Variants in FANCM observed in about 807,000 individuals in gnomAD.
FANCM encodes the protein Fanconi anemia group M protein.
A neutral mutation model predicts 199.5 loss-of-function variants in FANCM; 140 were observed. The observed-to-expected ratio is 0.70, with a 90% confidence interval of 0.61 to 0.81. The LOEUF (loss-of-function observed/expected upper bound fraction) is 0.81. FANCM is among the 30% of genes least tolerant of loss of function. The pLI is 0.00. For missense variants in FANCM, 2,410 were observed against 2,421.4 expected (o/e 1.00, Z 0.10); for synonymous variants, 840 against 836.8 (o/e 1.00, Z -0.07).
chr14:45,196,599 T>C, intron 21 of FANCM, 52 bp downstream of exon 21: 1 of 1,542,608 alleles, frequency 6.5e-7, no homozygotes, highest in Non-Finnish European at 8.9e-7. Flanking sequence ...AACTTTACGG[T>C]TAACTTAGTT....
intron 21 of FANCM, among the ~76,000 whole-genome samples, chr14:45,197,419 G>A (rs963600521): frequency 6.6e-5 from 10 of 151,926 alleles, no homozygotes; most frequent in Non-Finnish European, 1.3e-4. Flanking sequence ...TTGGTGAACC[G>A]TGTGGCCTTA....
chr14:45,146,705 C>T (rs1886412054), intron 3 of FANCM, among the ~76,000 whole-genome samples: 1 of 151,670 alleles, frequency 6.6e-6, no homozygotes, highest in African/African-American at 2.4e-5. Flanking sequence ...TGGTGGTGGG[C>T]ACCTGTAGTC....
chr14:45,184,981 C>A (rs1366294231), intron 17 of FANCM, among the ~76,000 whole-genome samples: 2 of 151,382 alleles, frequency 1.3e-5, no homozygotes, highest in African/African-American at 2.4e-5. Flanking sequence ...GGGGTTTCAC[C>A]ATGTTAGTCA....
At position 45,198,902 on chromosome 14, in the gene FANCM, A is replaced by T. The variant is rs1180009259; in HGVS notation, c.5975A>T (p.His1992Leu). 3.1e-6 allele frequency: 5 copies of T among 1,611,134 alleles called. No homozygotes were observed. Among genetic ancestry groups the T allele is most frequent in the Non-Finnish European group, 4.2e-6 (5 of 1,177,550 alleles). ...TATATAACTGCATTAAATATGTGTC[A>T]CCAGTTTTCATCTGTGAAAAGGATG... Reference protein sequence around the residue: ...ISYITALNMCHQFSSVKRMAN... With the variant: ...ISYITALNMCLQFSSVKRMAN... The change falls in exon 22 of 23, where the codon CAC (histidine) becomes CTC (leucine). Residue 1992 changes from histidine to leucine, a missense_variant. Transcript: ENST00000267430.
rs371279622 is a variant in FANCM at position 45,173,343 on chromosome 14, A to C, written c.2316+133A>C. The C allele has an allele frequency of 1.4e-5, 11 of 791,728 alleles. No homozygotes were observed. In the East Asian group the frequency reaches 1.6e-4, roughly 11 times the overall value. 49.0% of individuals were successfully genotyped at this position (791,728 alleles called of 1,614,324 possible). ...TAGTTCCTTGTGATCTCAGTAAAGA[A>C]TGAGTTTTCTGCCTTAAGAGAAGAA... On this transcript the variant is annotated intron_variant, in intron 13 of 22. Coordinates refer to ENST00000267430, the MANE Select transcript of FANCM (RefSeq NM_020937.4).
chr14:45,153,725 G>A (rs996657393), intron 5 of FANCM, among the ~76,000 whole-genome samples, 195 bp from the exon 6 acceptor site: 24 of 151,970 alleles, frequency 1.6e-4, no homozygotes, highest in African/African-American at 5.8e-4. Flanking sequence ...AAATACATTG[G>A]TACCTTTCCA....
chr14:45,158,437 C>T (rs964384367), intron 8 of FANCM, among the ~76,000 whole-genome samples: 1 of 145,256 alleles, frequency 6.9e-6, no homozygotes, highest in African/African-American at 2.5e-5. Flanking sequence ...CCTACCTCAC[C>T]CGCCCCCCAG....
chr14:45,198,560 GGATTT>G, intron 21 of FANCM, 79 bp from the exon 22 acceptor site: 3 of 902,136 alleles, frequency 3.3e-6, no homozygotes, highest in South Asian at 1.9e-5. Context: ...GTAGATCTTG[GGATTT>G]TAATAAAATA....
intron 3 of FANCM, among the ~76,000 whole-genome samples, chr14:45,148,231 A>G (rs1886564781): frequency 1.3e-5 from 2 of 151,140 alleles, no homozygotes; most frequent in African/African-American, 2.4e-5. Context: ...ACACACACAC[A>G]CACAAAACAA....
Position 45,189,366 on chromosome 14 carries a change from T to C in FANCM, c.5340+4T>C, listed in dbSNP as rs767306576. The stretch of plus-strand genomic sequence containing the variant: ...AAAATTTCCAGTTCCACAGAAGGTA[T>C]GGATCAAAGAAAGGAAAAATATCTT... On this transcript the variant is annotated splice_donor_region_variant and intron_variant, in intron 20 of 22. Coordinates refer to ENST00000267430, the MANE Select transcript of FANCM (RefSeq NM_020937.4). 1.3e-6 allele frequency: 2 copies of C among 1,597,380 alleles called. No homozygotes were observed. The highest frequency in any genetic ancestry group is 3.3e-5 in the Admixed American group (2 of 59,974).
At chr14:45,183,255 A>G (rs1390448756) in intron 16 of FANCM, among the ~76,000 whole-genome samples, 1 of 152,276 alleles carries the variant, frequency 6.6e-6, no homozygotes. Context: ...GTTAATTGAA[A>G]TGATTTTGAT....
In FANCM at chr14:45,175,610, A is replaced by G. The variant is rs1366592524; in HGVS notation, c.2856A>G (p.Glu952=). ...CTGGTTATAACAGTTTCAATGATGAAAAATCTGTTTCATCTAACTTATTTC... is the reference window on the plus strand; with the variant it reads ...CTGGTTATAACAGTTTCAATGATGAGAAATCTGTTTCATCTAACTTATTTC... ...LDSGYNSFND[E]KSVSSNLFLP... The change falls in exon 14 of 23, where the codon GAA becomes GAG. Residue 952 remains glutamate, a synonymous_variant. Coordinates refer to ENST00000267430, the MANE Select transcript of FANCM (RefSeq NM_020937.4). The G allele has an allele frequency of 5.0e-6, 8 of 1,613,576 alleles. No homozygotes were observed. The highest frequency in any genetic ancestry group is 6.8e-6 in the Non-Finnish European group (8 of 1,179,796).
intron 11 of FANCM, among the ~76,000 whole-genome samples, chr14:45,169,508 C>A (rs915267601): frequency 6.6e-6 from 1 of 151,624 alleles, no homozygotes; most frequent in African/African-American, 2.4e-5. Flanking sequence ...CTTAAGAGAT[C>A]CTCCTGTCAG....
intron 9 of FANCM, 124 bp from the exon 10 acceptor site, chr14:45,164,235 G>A: frequency 1.2e-6 from 1 of 805,064 alleles, no homozygotes; most frequent in Non-Finnish European, 2.1e-6. Context: ...ATGAGCTGTG[G>A]CCAGCCTTGA....
Position 45,164,525 on chromosome 14 carries a change from G to T in FANCM, c.1748G>T (p.Gly583Val), listed in dbSNP as rs769630733. The change falls in exon 10 of 23, where the codon GGC becomes GTC. Residue 583 changes from glycine to valine, a missense_variant. By Grantham distance (109) the Gly-to-Val change is moderately radical. Transcript: ENST00000267430. ...RMGRTGRKRQ[G>V]RIVIILSEGR... ...GGTAGAACTGGCCGTAAACGTCAAG[G>T]CAGGATAGTTATTATCCTTTCTGAA... 1 of 1,613,520 alleles carries T rather than the reference G, an allele frequency of 6.2e-7. No individual in the cohort carries two copies. Among genetic ancestry groups the T allele is most frequent in the Non-Finnish European group, 8.5e-7 (1 of 1,179,958 alleles).
At chr14:45,166,477 A>G (rs1221163111) in intron 10 of FANCM, among the ~76,000 whole-genome samples, 1 of 152,020 alleles carries the variant, frequency 6.6e-6, no homozygotes, top group Non-Finnish European at 1.5e-5. Context: ...CAGTTTACTG[A>G]TAGGTTTTAA....
intron 20 of FANCM, among the ~76,000 whole-genome samples, chr14:45,195,915 C>T (rs751991648): frequency 6.6e-6 from 1 of 151,900 alleles, no homozygotes; most frequent in Non-Finnish European, 1.5e-5. Flanking sequence ...AACACATTTC[C>T]TTTCCTGTTC....
intron 13 of FANCM, 58 bp downstream of exon 13, chr14:45,173,268 C>T: frequency 6.8e-7 from 1 of 1,460,740 alleles, no homozygotes; most frequent in Non-Finnish European, 9.6e-7. Context: ...GAGTACTTAG[C>T]TTTTATTTTT....
chr14:45,196,129 A>G (rs1566790095), intron 20 of FANCM, 43 bp from the exon 21 acceptor site: 1 of 1,609,534 alleles, frequency 6.2e-7, no homozygotes, highest in East Asian at 2.2e-5. Context: ...TGGCATTTTT[A>G]TGCATTTAAC....
Sources: allele counts gnomAD v4.1 joint callset (sites outside exome capture counted in the v4.1 genomes callset), GRCh38; gene constraint gnomAD v4.1.1; transcripts MANE v1.5; gene names NCBI Gene and HGNC (gene_info 2026-07-23, HGNC 2026-07-21).